The following ZFHX3 variants were observed in gnomAD, a reference collection of about 807,000 sequenced individuals.
ZFHX3 encodes zinc finger homeobox protein 3.
In ZFHX3, 42 loss-of-function variants were observed where a neutral mutation model predicts 279.1. The ratio of observed to expected loss-of-function variants is 0.15; its 90% confidence interval spans 0.12 to 0.19. The LOEUF (loss-of-function observed/expected upper bound fraction) is 0.19. Ranked by LOEUF, ZFHX3 falls within the 10% of genes least tolerant of loss-of-function variation. The pLI is 1.00. For missense variants in ZFHX3, 4,981 were observed against 4,754.0 expected (o/e 1.05, Z -1.40); for synonymous variants, 2,293 against 1,957.8 (o/e 1.17, Z -4.52).
chr16:73,139,273 C>T lies in ZFHX3; in HGVS notation c.-1024+4479G>A, dbSNP rs76451922. ...ATCAAAAATTATTGAAAATGTATAACCCACTGACATGGTATATTGTTGCAG... is the reference window on the plus strand; with the variant it reads ...ATCAAAAATTATTGAAAATGTATAATCCACTGACATGGTATATTGTTGCAG... On this transcript the variant is annotated intron_variant, in intron 6 of 17. Coordinates refer to the ZFHX3 transcript ENST00000641206. Among the ~76,000 whole-genome samples the T allele has an allele frequency of 8.4e-3, 1,277 of 152,242 alleles. 17 individuals are homozygous for T. Among genetic ancestry groups the T allele is most frequent in the African/African-American group, 0.03 (1,233 of 41,528 alleles).
At chr16:73,314,594 A>G (rs2015401560) in intron 4 of ZFHX3, among the ~76,000 whole-genome samples, 1 of 152,104 alleles carries the variant, frequency 6.6e-6, no homozygotes, top group African/African-American at 2.4e-5. Context: ...TGTGTGTGTT[A>G]TGATCTAGGT....
chr16:73,120,930 A>G (rs1966492008), intron 7 of ZFHX3, among the ~76,000 whole-genome samples: 1 of 151,720 alleles, frequency 6.6e-6, no homozygotes, highest in Non-Finnish European at 1.5e-5. Flanking sequence ...CTGGGATTAC[A>G]GGTGTGAGCC....
At chr16:73,544,644 T>C (rs2020079262) in intron 2 of ZFHX3, among the ~76,000 whole-genome samples, 1 of 152,032 alleles carries the variant, frequency 6.6e-6, no homozygotes, top group Non-Finnish European at 1.5e-5. Flanking sequence ...GCCAAGGGGA[T>C]GGGGATCTGG....
At chr16:73,623,166 T>A (rs8047916) in intron 2 of ZFHX3, among the ~76,000 whole-genome samples, 83,993 of 151,764 alleles carry the variant, frequency 0.55, 25,992 homozygotes, top group East Asian at 0.81. Flanking sequence ...CCTCTCGAGT[T>A]GCTGGGACTA....
At position 73,111,242 on chromosome 16, in the gene ZFHX3, G is replaced by T. The variant is rs1007237297; in HGVS notation, c.-896-17644C>A. 6.6e-5 allele frequency among the ~76,000 whole-genome samples: 10 copies of T among 152,160 alleles called. 1 individual carries two copies. The highest frequency in any genetic ancestry group is 6.6e-4 in the Admixed American group (10 of 15,264). On this transcript the variant is annotated intron_variant, in intron 7 of 17. Transcript: ENST00000641206. ...AGGCGTGAGCCACTGCACCCGGCCA[G>T]CATTTTTCTATTATCCTATTCGATT... is the stretch of plus-strand genomic sequence containing the variant.
chr16:72,800,144 C>T lies in ZFHX3; in HGVS notation c.3865-15G>A. The T allele has an allele frequency of 6.2e-7, 1 of 1,603,792 alleles. No individual in the cohort carries two copies. The highest frequency in any genetic ancestry group is 8.5e-7 in the Non-Finnish European group (1 of 1,170,876). ...GGGGTGGTCACCTGAGGAGCAAGAG[C>T]AAGGAGAGTCAAATGGAGAGGAAAG... On this transcript the variant is annotated splice_polypyrimidine_tract_variant and intron_variant, in intron 7 of 9. Transcript: ENST00000268489.
At position 72,787,234 on chromosome 16, in the gene ZFHX3, C is replaced by T. The variant is rs746008677; in HGVS notation, c.11042G>A (p.Gly3681Asp). 1 of 1,614,040 alleles carries T rather than the reference C, an allele frequency of 6.2e-7. No homozygotes were observed. Among genetic ancestry groups the T allele is most frequent in the South Asian group, 1.1e-5 (1 of 91,078 alleles). Residue 3681 changes from glycine (G) to aspartate (D), a missense_variant, in exon 10 of 10, where the codon GGT becomes GAT. Gly to Asp is a moderately conservative substitution (Grantham distance 94). Around this residue, in one of 7 missense-constraint regions of ZFHX3, gnomAD observed 1,034 missense variants for 786.0 expected, o/e 1.32. Transcript: ENST00000268489. ...KSDGPASPVE[G>D]PKDPSCPKDS... ...CTTGGGGCAGCTGGGGTCTTTGGGA[C>T]CCTCCACCGGGCTCGCCGGTCCGTC...
At chr16:73,140,650 G>A (rs1020423215) in intron 6 of ZFHX3, among the ~76,000 whole-genome samples, 5 of 152,322 alleles carry the variant, frequency 3.3e-5, no homozygotes, top group South Asian at 2.1e-4. Flanking sequence ...GAGGTCAGGA[G>A]TTCAAGACCA....
At chr16:72,883,040 GTGTGTGT>G (rs927081193) in intron 4 of ZFHX3, among the ~76,000 whole-genome samples, 1 of 141,014 alleles carries the variant, frequency 7.1e-6, no homozygotes, top group African/African-American at 2.6e-5. Flanking sequence ...GTGTGTGTGT[GTGTGTGT>G]GTGTGTAGCG....
intron 2 of ZFHX3, among the ~76,000 whole-genome samples, chr16:73,676,935 C>G (rs2052961087): frequency 6.6e-6 from 1 of 151,926 alleles, no homozygotes; most frequent in African/African-American, 2.4e-5. Context: ...AATAACGCAA[C>G]ACTGACTCTC....
chr16:73,238,647 C>T (rs576156946), intron 5 of ZFHX3, among the ~76,000 whole-genome samples: 6 of 152,240 alleles, frequency 3.9e-5, no homozygotes, highest in African/African-American at 1.2e-4. Context: ...ATGTGATTAT[C>T]TTGCTCGCCT....
chr16:72,927,120 C>T (rs999170802), intron 3 of ZFHX3, among the ~76,000 whole-genome samples: 8 of 151,970 alleles, frequency 5.3e-5, no homozygotes, highest in Non-Finnish European at 1.2e-4. Context: ...CATTCAGAAC[C>T]TTCAGGTCTC....
Position 72,786,392 on chromosome 16 carries a change from A to T in ZFHX3, c.*772T>A, listed in dbSNP as rs2035369636. ...TTTTTTTAAGCTACAAGTCCTCAAC[A>T]CTCTTTGTGTGTGTGGGTTATTATT... On this transcript the variant is annotated 3_prime_UTR_variant, in exon 10 of 10. Transcript: ENST00000268489. The T allele has an allele frequency of 1.3e-5, 2 of 151,104 alleles. No individual in the cohort carries two copies. Among genetic ancestry groups the T allele is most frequent in the Admixed American group, 6.6e-5 (1 of 15,104 alleles). 9.4% of individuals were successfully genotyped at this position (151,104 alleles called of 1,614,324 possible). A position where few individuals can be genotyped will look rare whatever the true frequency, so the allele number is the denominator to read the frequency against.
chr16:72,863,638 A>G (rs1437282147), intron 4 of ZFHX3, among the ~76,000 whole-genome samples: 4 of 152,188 alleles, frequency 2.6e-5, no homozygotes, highest in Admixed American at 1.3e-4. Flanking sequence ...GGTAGTGTAT[A>G]GATGAAACAG....
chr16:73,770,406 C>T (rs2054004583), intron 1 of ZFHX3, among the ~76,000 whole-genome samples: 1 of 152,154 alleles, frequency 6.6e-6, no homozygotes, highest in African/African-American at 2.4e-5. Flanking sequence ...TTCTAAAGTC[C>T]AGAACTATAT....
chr16:72,875,505 C>T (rs2038286177), intron 4 of ZFHX3, among the ~76,000 whole-genome samples: 2 of 152,230 alleles, frequency 1.3e-5, no homozygotes, highest in South Asian at 4.1e-4. Context: ...ATTGCTCACA[C>T]GGCTAAGTTG....
At chr16:73,667,473 A>G (rs1257608825) in intron 2 of ZFHX3, among the ~76,000 whole-genome samples, 1 of 152,212 alleles carries the variant, frequency 6.6e-6, no homozygotes, top group Non-Finnish European at 1.5e-5. Flanking sequence ...TATATGTTTC[A>G]GTTTATTTTT....
chr16:73,336,688 G>A (rs937921107), intron 3 of ZFHX3, among the ~76,000 whole-genome samples: 2 of 151,996 alleles, frequency 1.3e-5, no homozygotes, highest in African/African-American at 4.8e-5. Flanking sequence ...ATAGTTCCGC[G>A]ATGAATATAC....
chr16:72,787,345 C>G lies in ZFHX3; in HGVS notation c.10931G>C (p.Ser3644Thr). The G allele has an allele frequency of 1.9e-6, 3 of 1,613,426 alleles. No individual in the cohort carries two copies. The highest frequency in any genetic ancestry group is 2.5e-6 in the Non-Finnish European group (3 of 1,179,712). The part of the protein sequence containing the change: ...PLSSSSTVTS[S>T]SCSTSGVQPS... ...CTGAACCCCTGAGGTGCTGCATGAA[C>G]TTGAGGTAACCGTTGAAGATGAGGA... Residue 3644 changes from serine to threonine, a missense_variant, in exon 10 of 10, where the codon AGT (serine) becomes ACT (threonine). Coordinates refer to ENST00000268489, the MANE Select transcript of ZFHX3 (RefSeq NM_006885.4).
Sources: gnomAD v4.1 joint callset for allele counts (sites outside exome capture counted in the v4.1 genomes callset) on GRCh38, gnomAD v4.1.1 for gene constraint, gnomAD v4.1.1 regional missense constraint, MANE v1.5 for transcripts, NCBI Gene and HGNC (gene_info 2026-07-23, HGNC 2026-07-21) for gene names.